Variants in ZBTB37 observed in about 807,000 individuals in gnomAD.
The protein encoded by ZBTB37 is zinc finger and BTB domain-containing protein 37.
Under a neutral mutation model 37.7 loss-of-function variants are expected in ZBTB37, and 15 were observed. That is an observed-to-expected ratio of 0.40 (90% CI 0.27 to 0.61). The LOEUF is 0.61. Among genes scored for constraint, ZBTB37 ranks in the 20% least tolerant of loss-of-function variants. ZBTB37 has a pLI of 0.44. For synonymous variants in ZBTB37, 231 were observed against 220.6 expected (o/e 1.05, Z -0.42); for missense variants, 514 against 641.9 (o/e 0.80, Z 2.15).
chr1:173,900,029 G>A lies in ZBTB37; in HGVS notation c.*13905G>A, dbSNP rs535165225. The A allele has an allele frequency of 2.0e-5, 3 of 152,290 alleles. No homozygotes were observed. In the East Asian group the frequency reaches 5.8e-4, roughly 29 times the overall value. 9.4% of individuals were successfully genotyped at this position (152,290 alleles called of 1,614,324 possible). Reference sequence around the variant, plus strand: ...AGATTTCTCAACTAGCTGAAATGGAGCACTTGAATATATTAAAAGAGCCCA... The same window carrying A: ...AGATTTCTCAACTAGCTGAAATGGAACACTTGAATATATTAAAAGAGCCCA... On this transcript the variant is annotated 3_prime_UTR_variant, in exon 4 of 4. Coordinates refer to the ZBTB37 transcript ENST00000367701.
exon 3 of ZBTB37, chr1:173,871,112 C>T: frequency 6.2e-7 from 1 of 1,611,868 alleles, no homozygotes; most frequent in Non-Finnish European, 8.5e-7. Flanking sequence ...TCTTCAGGAG[C>T]CAAGGTGGCT....
At chr1:173,882,278 G>A (rs1158795152) in intron 4 of ZBTB37, among the ~76,000 whole-genome samples, 8 of 113,850 alleles carry the variant, frequency 7.0e-5, no homozygotes, top group African/African-American at 2.4e-4. Context: ...GTCTGGCTCT[G>A]TCGTCCAGGC....
intron 4 of ZBTB37, among the ~76,000 whole-genome samples, chr1:173,874,887 A>G (rs1163591543): frequency 1.3e-5 from 2 of 152,186 alleles, no homozygotes; most frequent in African/African-American, 2.4e-5. Flanking sequence ...GCAAAGTTAA[A>G]TACTGTATTT....
At chr1:173,876,696 G>C (rs998563882) in intron 4 of ZBTB37, among the ~76,000 whole-genome samples, 1 of 152,114 alleles carries the variant, frequency 6.6e-6, no homozygotes, top group Non-Finnish European at 1.5e-5. Flanking sequence ...TTTTAGTTTT[G>C]ATAAGATGTT....
exon 4 of ZBTB37, chr1:173,901,286 C>T (rs773930358): frequency 6.6e-6 from 1 of 152,092 alleles, no homozygotes; most frequent in Non-Finnish European, 1.5e-5. Flanking sequence ...ATTAATTTTT[C>T]ATCTGCTATG....
intron 4 of ZBTB37, among the ~76,000 whole-genome samples, chr1:173,881,958 G>T (rs2102742933): frequency 6.6e-6 from 1 of 151,812 alleles, no homozygotes; most frequent in Non-Finnish European, 1.5e-5. Context: ...GGAGGCTAAG[G>T]CAGGAGAATG....
intron 4 of ZBTB37, among the ~76,000 whole-genome samples, chr1:173,874,050 G>A (rs549752810): frequency 6.6e-6 from 1 of 152,194 alleles, no homozygotes; most frequent in Admixed American, 6.5e-5. Context: ...GAGGTCCGGA[G>A]TTCGAGACCA....
At chr1:173,886,401 G>T in exon 5 of ZBTB37, 5 of 418,010 alleles carry the variant, frequency 1.2e-5, no homozygotes, top group South Asian at 3.5e-5. Context: ...TAAGAAAAAA[G>T]GTTTTTTAAC....
At chr1:173,871,182 T>C (rs1265572460) in intron 3 of ZBTB37, 34 bp downstream of exon 3, 1 of 1,535,582 alleles carries the variant, frequency 6.5e-7, no homozygotes, top group Non-Finnish European at 8.8e-7. Context: ...TCCCATGTAA[T>C]GGCTATTGTG....
intron 4 of ZBTB37, among the ~76,000 whole-genome samples, chr1:173,874,085 G>A (rs1344658205): frequency 4.6e-5 from 7 of 151,830 alleles, no homozygotes; most frequent in Non-Finnish European, 2.9e-5. Flanking sequence ...GAGAAAACCC[G>A]TCTCTACTAA....
chr1:173,872,891 C>G (rs969473189), intron 3 of ZBTB37, among the ~76,000 whole-genome samples: 1 of 151,836 alleles, frequency 6.6e-6, no homozygotes, highest in Non-Finnish European at 1.5e-5. Flanking sequence ...CCTGTAGTCT[C>G]AGCTACTGGG....
intron 4 of ZBTB37, 50 bp downstream of exon 4, chr1:173,873,616 C>T (rs1215824032): frequency 6.2e-7 from 1 of 1,611,336 alleles, no homozygotes. Context: ...GGAATTGCTA[C>T]TGTGTATGAA....
intron 4 of ZBTB37, among the ~76,000 whole-genome samples, chr1:173,879,118 T>C (rs1336542649): frequency 1.3e-5 from 2 of 151,884 alleles, no homozygotes; most frequent in African/African-American, 4.8e-5. Context: ...AATCAGCATT[T>C]ATTCTCTTTC....
At chr1:173,902,289 A>G (rs567498593) in exon 4 of ZBTB37, 3 of 152,364 alleles carry the variant, frequency 2.0e-5, no homozygotes, top group South Asian at 2.1e-4. Context: ...GTAAACAACA[A>G]ATTTATCTAA....
exon 4 of ZBTB37, chr1:173,898,431 A>C (rs1315885101): frequency 6.6e-6 from 1 of 150,642 alleles, no homozygotes; most frequent in Non-Finnish European, 1.5e-5. Flanking sequence ...GTTGCACTCC[A>C]GCCTGAGCAA....
intron 4 of ZBTB37, among the ~76,000 whole-genome samples, chr1:173,877,940 T>G (rs544241053): frequency 6.6e-6 from 1 of 152,342 alleles, no homozygotes; most frequent in South Asian, 2.1e-4. Flanking sequence ...ATTCTGTAGC[T>G]TTTTCTATGA....
At chr1:173,875,699 G>A (rs564424774) in intron 4 of ZBTB37, among the ~76,000 whole-genome samples, 7 of 151,980 alleles carry the variant, frequency 4.6e-5, no homozygotes, top group African/African-American at 1.4e-4. Context: ...TGGTTGACCA[G>A]GTTGCATTGC....
intron 4 of ZBTB37, among the ~76,000 whole-genome samples, chr1:173,882,675 T>A (rs538485075): frequency 4.6e-5 from 7 of 152,206 alleles, no homozygotes; most frequent in Non-Finnish European, 8.8e-5. Context: ...CTGAATGGTA[T>A]TGCCTAGGTT....
At chr1:173,893,504 C>T (rs1656930809) in exon 4 of ZBTB37, 1 of 152,084 alleles carries the variant, frequency 6.6e-6, no homozygotes, top group Non-Finnish European at 1.5e-5. Flanking sequence ...AGTCCTAAGC[C>T]CACTTGGTTG....
Sources: allele counts gnomAD v4.1 joint callset (sites outside exome capture counted in the v4.1 genomes callset), GRCh38; gene constraint gnomAD v4.1.1; transcripts MANE v1.5; gene names NCBI Gene and HGNC (gene_info 2026-07-23, HGNC 2026-07-21).